Variants in IGSF9B observed in about 807,000 individuals in gnomAD.
IGSF9B encodes the protein immunoglobulin superfamily member 9B.
In IGSF9B, 48 loss-of-function variants were observed where a neutral mutation model predicts 143.7. The observed-to-expected ratio is 0.33, with a 90% CI of 0.26 to 0.42. The LOEUF (loss-of-function observed/expected upper bound fraction) is 0.42, where lower values mean the gene tolerates loss of function less well. IGSF9B is among the 20% of genes least tolerant of loss of function. The probability of loss-of-function intolerance (pLI) is 1.00; values close to 1 mark genes in which losing one functional copy is unlikely to be tolerated. For missense variants in IGSF9B, 1,706 were observed against 1,980.0 expected (o/e 0.86, Z 2.63); for synonymous variants, 903 against 833.1 (o/e 1.08, Z -1.44).
chr11:133,932,479 A>G (rs1939753697), intron 7 of IGSF9B, among the ~76,000 whole-genome samples: 1 of 146,482 alleles, frequency 6.8e-6, no homozygotes, highest in African/African-American at 2.6e-5. Context: ...AGACACAGGG[A>G]AGCCAGGTGA....
In IGSF9B at chr11:133,919,796, G is replaced by T. The variant is rs760102783; in HGVS notation, c.3929C>A (p.Thr1310Lys). ...VFGQTPSPRR[T>K]GEELLRPETP... ...CTCCGGTCGGAGCAATTCCTCCCCC[G>T]TCCTTCGAGGGGAAGGCGTCTGTCC... The change falls in exon 18 of 20, where the codon ACG becomes AAG. Residue 1310 changes from threonine to lysine, a missense_variant. This residue lies in a region of IGSF9B where 880 missense variants were observed against 762.9 expected (regional missense o/e 1.15). Transcript: ENST00000533871. The T allele has an allele frequency of 2.0e-6, 3 of 1,505,090 alleles. No individual in the cohort carries two copies. In the South Asian group the frequency reaches 4.1e-5, roughly 20 times the overall value. The allele number at this position is 1,505,090 out of a possible 1,614,324, so 93.2% of individuals were successfully genotyped here. A position where few individuals can be genotyped will look rare whatever the true frequency, so the allele number is the denominator to read the frequency against.
intron 18 of IGSF9B, among the ~76,000 whole-genome samples, chr11:133,915,591 C>T (rs1939366131): frequency 6.6e-6 from 1 of 152,108 alleles, no homozygotes; most frequent in South Asian, 2.1e-4. Context: ...AAATCATGAC[C>T]AGGTAGCCCA....
intron 18 of IGSF9B, among the ~76,000 whole-genome samples, chr11:133,917,640 G>A (rs1407144093): frequency 6.6e-6 from 1 of 152,070 alleles, no homozygotes. Context: ...ATGACATTTC[G>A]CTACAAAGCC....
intron 17 of IGSF9B, 117 bp downstream of exon 17, chr11:133,922,060 G>A: frequency 2.4e-6 from 2 of 828,212 alleles, no homozygotes; most frequent in Non-Finnish European, 4.0e-6. Context: ...TTAACACACA[G>A]GTCAATCAAG....
chr11:133,911,856 G>A (rs1042546912), intron 19 of IGSF9B, 30 bp downstream of exon 19: 12 of 1,489,460 alleles, frequency 8.1e-6, no homozygotes, highest in African/African-American at 1.4e-5. Flanking sequence ...AAGGTGGGAG[G>A]AGCGGGGCGG....
Position 133,939,676 on chromosome 11 carries a change from A to C in IGSF9B, c.410-1715T>G, listed in dbSNP as rs1047541615. The stretch of plus-strand genomic sequence containing the variant: ...CTCAGTGCAAGCGCAGCAGGGGCGC[A>C]CGGAGGGTGGCCACTGAATGAATGC... On this transcript the variant is annotated intron_variant, in intron 3 of 19. Coordinates refer to ENST00000533871, the MANE Select transcript of IGSF9B (RefSeq NM_001277285.4). 2.0e-5 allele frequency among the ~76,000 whole-genome samples: 3 copies of C among 152,280 alleles called. No homozygotes were observed. The East Asian group carries it at 5.8e-4, about 29-fold the overall frequency.
Position 133,931,861 on chromosome 11 carries a change from G to C in IGSF9B, c.1111-66C>G. 6.3e-7 allele frequency: 1 copy of C among 1,584,190 alleles called. No homozygotes were observed. The highest frequency in any genetic ancestry group is 8.6e-7 in the Non-Finnish European group (1 of 1,168,532). Reference sequence around the variant, plus strand: ...GACTCCGCGCTCCATCCCAGGCTGGGTCCCAGCTGGGCCAGGCAGCACGCA... The same window carrying C: ...GACTCCGCGCTCCATCCCAGGCTGGCTCCCAGCTGGGCCAGGCAGCACGCA... On this transcript the variant is annotated intron_variant, in intron 8 of 19. Transcript: ENST00000533871. This position sits in a 1 kb window ranked among gnomAD's most constrained non-coding sequence, Gnocchi z 7.7.
chr11:133,946,257 G>A lies in IGSF9B; in HGVS notation c.66C>T (p.Gly22=), dbSNP rs202016366. ...CGGGCTCCTCTCGCAGGCCGTGGGC[G>A]CCTGATGGGGACGGCCAGGTTGGAC... ...VIGTRGLAAE[G]AHGLREEPEF... is the part of the protein sequence containing the mutation. Residue 22 remains glycine (G), a splice_region_variant and synonymous_variant, in exon 2 of 20, where the codon GGC becomes GGT. Coordinates refer to ENST00000533871, the MANE Select transcript of IGSF9B (RefSeq NM_001277285.4). The A allele has an allele frequency of 2.7e-5, 44 of 1,612,702 alleles. No homozygotes were observed. Among genetic ancestry groups the A allele is most frequent in the African/African-American group, 2.0e-4 (15 of 74,972 alleles).
rs368105307 is a variant in IGSF9B, at chr11:133,946,242, T to C, written c.81A>G (p.Arg27=). 3.1e-6 allele frequency: 5 copies of C among 1,613,286 alleles called. No homozygotes were observed. The highest frequency in any genetic ancestry group is 3.4e-6 in the Non-Finnish European group (4 of 1,179,776). The change falls in exon 2 of 20, where the codon CGA becomes CGG. Residue 27 remains arginine (R), a synonymous_variant. Coordinates refer to ENST00000533871, the MANE Select transcript of IGSF9B (RefSeq NM_001277285.4). ...TTGCCGTCACAAACTCGGGCTCCTC[T>C]CGCAGGCCGTGGGCGCCTGATGGGG... The part of the protein sequence containing the change: ...GLAAEGAHGL[R]EEPEFVTARA...
chr11:133,926,980 G>A lies in IGSF9B; in HGVS notation c.1743C>T (p.Ser581=), dbSNP rs112867001. ...TTCCCAGCTTGTTCTGGGCCAGGAC[G>A]CTGAACTGGTACGCTGTCTCAGGCT... ...TLEPETAYQF[S]VLAQNKLGTS... The change falls in exon 13 of 20, where the codon AGC becomes AGT. Residue 581 remains serine (S), a synonymous_variant. Transcript: ENST00000533871. 8,477 of 1,593,380 alleles carry A rather than the reference G, an allele frequency of 5.3e-3. 164 individuals are homozygous for A. In the African/African-American group the frequency reaches 0.058, roughly 11 times the overall value.
chr11:133,937,834 G>A lies in IGSF9B; in HGVS notation c.537C>T (p.Leu179=), dbSNP rs375860182. 1.9e-6 allele frequency: 3 copies of A among 1,610,316 alleles called. No individual in the cohort carries two copies. The highest frequency in any genetic ancestry group is 1.6e-4 in the Middle Eastern group (1 of 6,078). The change falls in exon 4 of 20, where the codon CTC becomes CTT. Residue 179 remains leucine, a synonymous_variant. Coordinates refer to ENST00000533871, the MANE Select transcript of IGSF9B (RefSeq NM_001277285.4). ...CCTGGTATTTCCCACTAGCACCGAG[G>A]AGCGTCCCCTCCTTGAGCCAGGTGA... ...PIVTWLKEGT[L]LGASGKYQVS...
At chr11:133,922,531 C>T (rs748946640) in intron 16 of IGSF9B, 38 bp downstream of exon 16, 14 of 1,584,574 alleles carry the variant, frequency 8.8e-6, no homozygotes, top group African/African-American at 5.4e-5. Flanking sequence ...CATTTGAAAC[C>T]GGGCCAGGGA....
At chr11:133,956,660 G>A (rs977790803) in intron 1 of IGSF9B, 31 bp downstream of exon 1, 62 of 1,481,144 alleles carry the variant, frequency 4.2e-5, no homozygotes, top group Non-Finnish European at 5.5e-5. Flanking sequence ...CGCCGGGAGG[G>A]GCAGGGGAGG....
intron 11 of IGSF9B, 126 bp downstream of exon 11, chr11:133,930,858 C>T: frequency 2.0e-6 from 2 of 998,384 alleles, no homozygotes; most frequent in Non-Finnish European, 1.4e-6. Context: ...TTCAGGGCTG[C>T]ACTGACTTAG....
In IGSF9B at chr11:133,925,731, G is replaced by A. The variant is rs767097252; in HGVS notation, c.2034+8C>T. Reference sequence around the variant, plus strand: ...GGAAGCAGCAGCAAGGAAGAGCAAAGCCCTCACCTGTGACAGATCCTTGGC... The same window carrying A: ...GGAAGCAGCAGCAAGGAAGAGCAAAACCCTCACCTGTGACAGATCCTTGGC... On this transcript the variant is annotated splice_region_variant and intron_variant, in intron 14 of 19. Transcript: ENST00000533871. 6.2e-7 allele frequency: 1 copy of A among 1,609,066 alleles called. No homozygotes were observed. The highest frequency in any genetic ancestry group is 8.5e-7 in the Non-Finnish European group (1 of 1,176,606).
intron 1 of IGSF9B, among the ~76,000 whole-genome samples, chr11:133,954,045 G>C (rs1940209451): frequency 6.6e-6 from 1 of 152,134 alleles, no homozygotes; most frequent in Admixed American, 6.5e-5. Flanking sequence ...CCCTGCTATG[G>C]CCAAATCCTA....
At chr11:133,922,873 G>T (rs1237786053) in intron 15 of IGSF9B, 143 bp from the exon 16 acceptor site, 18 of 725,806 alleles carry the variant, frequency 2.5e-5, no homozygotes, top group Non-Finnish European at 3.8e-5. Flanking sequence ...CTCTAGCACT[G>T]AAGAGGTTTG....
In IGSF9B at chr11:133,935,782, CAG is replaced by C. The variant is rs1281270095; in HGVS notation, c.822-22_822-21del. 1.2e-6 allele frequency: 2 copies of C among 1,607,962 alleles called. No individual in the cohort carries two copies. Among genetic ancestry groups the C allele is most frequent in the South Asian group, 1.1e-5 (1 of 90,448 alleles). On this transcript the variant is annotated intron_variant, in intron 6 of 19. Transcript: ENST00000533871. Reference sequence around the variant, plus strand: ...AGGTCGCTGCAAAGCGGCATGGGGACAGGGGGTTGGGCGAGCAGAAGGGGATC... The same window carrying C: ...AGGTCGCTGCAAAGCGGCATGGGGACGGGGTTGGGCGAGCAGAAGGGGATC...
In IGSF9B at chr11:133,920,686, G is replaced by C. The variant is rs780245240; in HGVS notation, c.3039C>G (p.Pro1013=). ...TEGPFGHPTI[P]EENGENASNS... ...TGGATGCATTCTCTCCATTCTCCTC[G>C]GGGATGGTGGGGTGGCCAAAGGGCC... is the stretch of plus-strand genomic sequence containing the variant. Residue 1013 remains proline, a synonymous_variant, in exon 18 of 20, where the codon CCC becomes CCG. Coordinates refer to ENST00000533871, the MANE Select transcript of IGSF9B (RefSeq NM_001277285.4). 1.2e-5 allele frequency: 20 copies of C among 1,613,360 alleles called. 1 individual carries two copies. The South Asian group carries it at 2.0e-4, about 16-fold the overall frequency.
Sources: gnomAD v4.1 joint callset for allele counts (sites outside exome capture counted in the v4.1 genomes callset) on GRCh38, gnomAD v4.1.1 for gene constraint, gnomAD v4.1.1 regional missense constraint, Gnocchi (gnomAD v3.1) non-coding constraint, MANE v1.5 for transcripts, NCBI Gene and HGNC (gene_info 2026-07-23, HGNC 2026-07-21) for gene names.